Variants in GRIN2A observed in about 807,000 individuals in gnomAD.
GRIN2A encodes glutamate receptor ionotropic, NMDA 2A.
In GRIN2A, 22 loss-of-function variants were observed where a neutral mutation model predicts 113.4. The ratio of observed to expected loss-of-function variants is 0.19; its 90% confidence interval spans 0.14 to 0.28. The LOEUF (loss-of-function observed/expected upper bound fraction) is 0.28, where lower values mean the gene tolerates loss of function less well. Ranked by LOEUF, GRIN2A falls within the 10% of genes least tolerant of loss-of-function variation. GRIN2A has a pLI of 1.00. For missense variants in GRIN2A, 1,502 were observed against 1,887.0 expected (o/e 0.80, Z 3.78); for synonymous variants, 827 against 738.4 (o/e 1.12, Z -1.94).
At chr16:10,170,300 C>T (rs993293869) in intron 2 of GRIN2A, among the ~76,000 whole-genome samples, 4 of 152,130 alleles carry the variant, frequency 2.6e-5, no homozygotes, top group African/African-American at 9.7e-5. Context: ...GTCTCACATC[C>T]CCCTTTCTGC....
At chr16:10,036,004 G>A (rs7197846) in intron 2 of GRIN2A, among the ~76,000 whole-genome samples, 32,314 of 152,056 alleles carry the variant, frequency 0.21, 4,151 homozygotes, top group East Asian at 0.52. Context: ...GATTACAGGC[G>A]TAAGCCACCA....
In GRIN2A at chr16:9,829,537, T is replaced by C. The variant is rs749271779; in HGVS notation, c.1893A>G (p.Val631=). 1.2e-6 allele frequency: 2 copies of C among 1,613,874 alleles called. No homozygotes were observed. The highest frequency in any genetic ancestry group is 8.5e-7 in the Non-Finnish European group (1 of 1,179,808). The change falls in exon 9 of 13, where the codon GTA becomes GTG. Residue 631 remains valine, a synonymous_variant. Coordinates refer to ENST00000330684, the MANE Select transcript of GRIN2A (RefSeq NM_001134407.3). Reference sequence around the variant, plus strand: ...TGACAGCGAAGAAGGCCCATACAGATACCATGATCTTGCTGGTGGTCCCTT... The same window carrying C: ...TGACAGCGAAGAAGGCCCATACAGACACCATGATCTTGCTGGTGGTCCCTT... The part of the protein sequence containing the change: ...NPKGTTSKIM[V]SVWAFFAVIF...
intron 4 of GRIN2A, among the ~76,000 whole-genome samples, chr16:9,887,395 C>T (rs1331285398): frequency 6.6e-6 from 1 of 152,148 alleles, no homozygotes; most frequent in Non-Finnish European, 1.5e-5. Context: ...GGAACGTTTG[C>T]CTCCCTTGAA....
At chr16:10,106,831 G>A (rs1596512445) in intron 2 of GRIN2A, among the ~76,000 whole-genome samples, 1 of 152,178 alleles carries the variant, frequency 6.6e-6, no homozygotes, top group Non-Finnish European at 1.5e-5. Context: ...TTCATGAAGG[G>A]AGAGAAGGAA....
chr16:9,834,165 C>A lies in GRIN2A; in HGVS notation c.1717G>T (p.Val573Phe). The A allele has an allele frequency of 6.2e-7, 1 of 1,613,506 alleles. No individual in the cohort carries two copies. The highest frequency in any genetic ancestry group is 8.5e-7 in the Non-Finnish European group (1 of 1,179,450). ...VMLLIVSAIAVFVFEYFSPVG... is the reference protein window; with the variant it reads ...VMLLIVSAIAFFVFEYFSPVG... ...GGGCTGAAGTATTCAAAGACAAAAA[C>A]AGCTATGGCAGAAACAATGAGCAGC... Residue 573 changes from valine to phenylalanine, a missense_variant, in exon 8 of 13, where the codon GTT becomes TTT. Physicochemically the swap from Val to Phe is conservative, Grantham distance 50. Transcript: ENST00000330684.
At chr16:10,063,103 C>G (rs147924822) in intron 2 of GRIN2A, among the ~76,000 whole-genome samples, 1 of 152,214 alleles carries the variant, frequency 6.6e-6, no homozygotes, top group East Asian at 1.9e-4. Flanking sequence ...GGACATTATC[C>G]TAAGCAAATT....
Position 9,756,120 on chromosome 16 carries a change from A to C in GRIN2A, c.*7029T>G. 1 of 227,236 alleles carries C rather than the reference A, an allele frequency of 4.4e-6. No homozygotes were observed. 14.1% of individuals were successfully genotyped at this position (227,236 alleles called of 1,614,324 possible). A position where few individuals can be genotyped will look rare whatever the true frequency, so the allele number is the denominator to read the frequency against. On this transcript the variant is annotated 3_prime_UTR_variant, in exon 13 of 13. Transcript: ENST00000330684. ...TAGGAGGACTTTAATGGAGGGTCAC[A>C]TGGCTGTGTGTGTGTGTGTGCATAC...
intron 11 of GRIN2A, among the ~76,000 whole-genome samples, chr16:9,778,269 G>A (rs138604866): frequency 3.9e-4 from 60 of 152,316 alleles, no homozygotes; most frequent in African/African-American, 1.4e-3. Context: ...CAGAAACCTT[G>A]TAGGAATCCA....
intron 4 of GRIN2A, among the ~76,000 whole-genome samples, chr16:9,863,019 C>T (rs908127300): frequency 4.6e-5 from 7 of 152,096 alleles, no homozygotes; most frequent in Non-Finnish European, 8.8e-5. Flanking sequence ...TTATTAGACT[C>T]GTTTTGTATG....
At position 9,850,468 on chromosome 16, in the gene GRIN2A, C is replaced by T. The variant is rs113433476; in HGVS notation, c.1123-507G>A. Among the ~76,000 whole-genome samples the T allele has an allele frequency of 2.4e-3, 361 of 152,028 alleles. 1 individual carries two copies. Among genetic ancestry groups the T allele is most frequent in the Non-Finnish European group, 4.7e-3 (320 of 67,994 alleles). Reference sequence around the variant, plus strand: ...TAAAGCAATGCATGAAAGGCAAAAGCACAACATAGGTACTCCATATTGTTT... The same window carrying T: ...TAAAGCAATGCATGAAAGGCAAAAGTACAACATAGGTACTCCATATTGTTT... On this transcript the variant is annotated intron_variant, in intron 4 of 12. Coordinates refer to ENST00000330684, the MANE Select transcript of GRIN2A (RefSeq NM_001134407.3).
intron 3 of GRIN2A, among the ~76,000 whole-genome samples, chr16:9,894,161 G>C (rs1449193326): frequency 6.6e-6 from 1 of 152,156 alleles, no homozygotes; most frequent in Non-Finnish European, 1.5e-5. Context: ...GTCAGCAAAG[G>C]TAGTAACACA....
intron 2 of GRIN2A, among the ~76,000 whole-genome samples, chr16:10,151,223 T>C (rs148758814): frequency 4.0e-4 from 61 of 152,320 alleles, no homozygotes; most frequent in African/African-American, 1.3e-3. Flanking sequence ...GGCTTTTTAA[T>C]TTTGAGTAGC....
intron 3 of GRIN2A, 35 bp downstream of exon 3, chr16:9,937,924 G>T: frequency 6.8e-7 from 1 of 1,463,062 alleles, no homozygotes; most frequent in South Asian, 1.1e-5. Flanking sequence ...GCAAAACTCT[G>T]ATCCCACTTT....
chr16:10,146,647 C>G (rs2049445754), intron 2 of GRIN2A, among the ~76,000 whole-genome samples: 2 of 152,020 alleles, frequency 1.3e-5, no homozygotes, highest in Non-Finnish European at 2.9e-5. Flanking sequence ...TGTTATGACT[C>G]TGAAAGCCCA....
At chr16:10,070,901 C>A (rs1431439887) in intron 2 of GRIN2A, among the ~76,000 whole-genome samples, 1 of 152,208 alleles carries the variant, frequency 6.6e-6, no homozygotes, top group African/African-American at 2.4e-5. Context: ...AGCCTACTTT[C>A]CTCTTTTCCT....
intron 3 of GRIN2A, among the ~76,000 whole-genome samples, chr16:9,912,886 G>A (rs1267527595): frequency 6.6e-6 from 1 of 152,230 alleles, no homozygotes; most frequent in African/African-American, 2.4e-5. Context: ...GTGGATGGGA[G>A]GATTCCAAGG....
At chr16:9,938,612 A>G (rs539943197) in intron 2 of GRIN2A, 61 bp from the exon 3 acceptor site, 264 of 1,168,148 alleles carry the variant, frequency 2.3e-4, no homozygotes, top group Admixed American at 1.7e-3. Context: ...ATAGAAGCAC[A>G]AACTGCGTCC....
At chr16:10,117,786 A>T (rs2048756812) in intron 2 of GRIN2A, among the ~76,000 whole-genome samples, 1 of 152,244 alleles carries the variant, frequency 6.6e-6, no homozygotes, top group Non-Finnish European at 1.5e-5. Context: ...ATGAGTGTTA[A>T]GATAAAAAAT....
intron 2 of GRIN2A, among the ~76,000 whole-genome samples, chr16:10,055,074 AAAAAAAAAAAAGAAAAAAG>A (rs2047427957): frequency 5.0e-5 from 4 of 79,946 alleles, no homozygotes; most frequent in East Asian, 1.4e-3. Context: ...AAAAAAAAAA[AAAAAAAAAAAAGAAAAAAG>A]AAAGAAAGAA....
Sources: allele counts gnomAD v4.1 joint callset (sites outside exome capture counted in the v4.1 genomes callset), GRCh38; gene constraint gnomAD v4.1.1; transcripts MANE v1.5; gene names NCBI Gene and HGNC (gene_info 2026-07-23, HGNC 2026-07-21).